Variants in CPPED1 observed in about 807,000 individuals in gnomAD.
The protein encoded by CPPED1 is serine/threonine-protein phosphatase CPPED1.
CPPED1 carries 28 observed loss-of-function variants against 28.0 expected under a neutral mutation model. That is an observed-to-expected ratio of 1.00 (90% CI 0.74 to 1.37). The LOEUF (loss-of-function observed/expected upper bound fraction) is 1.37. CPPED1 is among the 40% of genes most tolerant of loss of function. The probability of loss-of-function intolerance (pLI) is 0.00; values close to 1 mark genes in which losing one functional copy is unlikely to be tolerated. For missense variants in CPPED1, 504 were observed against 416.5 expected (o/e 1.21, Z -1.83); for synonymous variants, 198 against 180.2 (o/e 1.10, Z -0.79).
At chr16:12,721,972 G>A (rs1247414898) in intron 2 of CPPED1, among the ~76,000 whole-genome samples, 1 of 152,056 alleles carries the variant, frequency 6.6e-6, no homozygotes, top group African/African-American at 2.4e-5. Context: ...TACTGTCTTA[G>A]TAAGAATGTT....
At chr16:12,753,046 G>A (rs2080340590) in intron 2 of CPPED1, 1 of 151,932 alleles carries the variant, frequency 6.6e-6, no homozygotes, top group Admixed American at 6.6e-5. Flanking sequence ...AATTCAACAT[G>A]TCTGAACCTT....
intron 2 of CPPED1, among the ~76,000 whole-genome samples, chr16:12,778,775 G>T (rs1381547576): frequency 6.6e-6 from 1 of 152,188 alleles, no homozygotes; most frequent in Non-Finnish European, 1.5e-5. Flanking sequence ...GTTTTAAAAT[G>T]CTCTGTTTAA....
At chr16:12,788,849 A>C (rs1265994943) in intron 1 of CPPED1, among the ~76,000 whole-genome samples, 1 of 152,192 alleles carries the variant, frequency 6.6e-6, no homozygotes, top group African/African-American at 2.4e-5. Context: ...CAAGACCCAG[A>C]GCTTTTCCCT....
chr16:12,665,675 A>G (rs910029364), intron 3 of CPPED1, among the ~76,000 whole-genome samples: 1 of 152,150 alleles, frequency 6.6e-6, no homozygotes, highest in Non-Finnish European at 1.5e-5. Flanking sequence ...CACGCCTGTA[A>G]TCACAGCACT....
chr16:12,708,071 C>T (rs373842272), intron 2 of CPPED1, among the ~76,000 whole-genome samples: 2 of 152,074 alleles, frequency 1.3e-5, no homozygotes, highest in African/African-American at 2.4e-5. Context: ...CGCTTGAACC[C>T]GGGAGGCAGA....
intron 3 of CPPED1, among the ~76,000 whole-genome samples, chr16:12,677,891 G>C (rs768619703): frequency 6.6e-6 from 1 of 152,202 alleles, no homozygotes; most frequent in African/African-American, 2.4e-5. Context: ...TTTCGCCTTT[G>C]TGGGCCATGT....
intron 1 of CPPED1, among the ~76,000 whole-genome samples, chr16:12,795,019 C>G (rs573600032): frequency 9.9e-5 from 15 of 152,250 alleles, no homozygotes; most frequent in Non-Finnish European, 2.1e-4. Context: ...ACCTCTCTCA[C>G]TTTTCAAGAG....
chr16:12,678,223 G>A (rs952554881), intron 3 of CPPED1, among the ~76,000 whole-genome samples: 6 of 152,244 alleles, frequency 3.9e-5, no homozygotes, highest in African/African-American at 1.4e-4. Context: ...AGGGAGGCAA[G>A]TGAATTGTGT....
chr16:12,774,032 A>G (rs1292075888), intron 2 of CPPED1, among the ~76,000 whole-genome samples: 2 of 152,176 alleles, frequency 1.3e-5, no homozygotes, highest in African/African-American at 4.8e-5. Flanking sequence ...TCCAGTCTCC[A>G]CCCACAATGC....
chr16:12,760,840 T>G (rs1313720869), intron 2 of CPPED1: 1 of 152,232 alleles, frequency 6.6e-6, no homozygotes, highest in African/African-American at 2.4e-5. Context: ...AATGCTGATG[T>G]GGCCCAGGGC....
At chr16:12,717,454 C>T (rs113964257) in intron 2 of CPPED1, among the ~76,000 whole-genome samples, 129 of 152,248 alleles carry the variant, frequency 8.5e-4, no homozygotes, top group Middle Eastern at 3.4e-3. Context: ...TTAGTACAGA[C>T]AGGGTTTCAC....
At chr16:12,786,476 T>C (rs2080563763) in intron 1 of CPPED1, among the ~76,000 whole-genome samples, 1 of 152,234 alleles carries the variant, frequency 6.6e-6, no homozygotes, top group African/African-American at 2.4e-5. Context: ...GGTTTGGTTT[T>C]GCATACTTCT....
chr16:12,765,577 T>C (rs138263649), intron 2 of CPPED1, among the ~76,000 whole-genome samples: 2 of 152,368 alleles, frequency 1.3e-5, no homozygotes, highest in East Asian at 1.9e-4. Flanking sequence ...TGCAGATCAA[T>C]ACAAAATTTC....
chr16:12,681,071 A>G (rs955852018), intron 3 of CPPED1, among the ~76,000 whole-genome samples: 1 of 152,082 alleles, frequency 6.6e-6, no homozygotes, highest in Non-Finnish European at 1.5e-5. Flanking sequence ...AAGCCAGCTC[A>G]TACTCTAAAA....
Position 12,682,561 on chromosome 16 carries a change from G to A in CPPED1, c.716-17446C>T, listed in dbSNP as rs2079911058. ...GCTGTTGCTGAGCTGTGTAGGTGTG[G>A]CATGGGCAGCAACATATCTGAACTC... On this transcript the variant is annotated intron_variant, in intron 3 of 3. Transcript: ENST00000381774. The surrounding 1 kb of genome is among the most constrained non-coding windows in gnomAD (Gnocchi z 6.1). 6.6e-6 allele frequency among the ~76,000 whole-genome samples: 1 copy of A among 152,094 alleles called. No individual in the cohort carries two copies. The highest frequency in any genetic ancestry group is 1.5e-5 in the Non-Finnish European group (1 of 68,014).
At chr16:12,789,570 G>C (rs1184766631) in intron 1 of CPPED1, among the ~76,000 whole-genome samples, 1 of 151,822 alleles carries the variant, frequency 6.6e-6, no homozygotes, top group Non-Finnish European at 1.5e-5. Context: ...CTGTCACCCA[G>C]GTTGGAGTGC....
At chr16:12,776,896 G>A (rs913605956) in intron 2 of CPPED1, among the ~76,000 whole-genome samples, 8 of 152,110 alleles carry the variant, frequency 5.3e-5, no homozygotes, top group African/African-American at 1.7e-4. Context: ...TCCAGCCTGG[G>A]CAACAGAGTG....
At chr16:12,761,236 C>T (rs951467878) in intron 2 of CPPED1, 2 of 140,072 alleles carry the variant, frequency 1.4e-5, no homozygotes, top group Non-Finnish European at 3.0e-5. Context: ...GAGATTGCGC[C>T]ACCGCACTCC....
At chr16:12,751,305 T>G (rs911413684) in intron 2 of CPPED1, among the ~76,000 whole-genome samples, 6 of 152,114 alleles carry the variant, frequency 3.9e-5, no homozygotes, top group Non-Finnish European at 8.8e-5. Flanking sequence ...GCTACTCCAG[T>G]AAACACACAA....
Sources: allele counts gnomAD v4.1 joint callset (sites outside exome capture counted in the v4.1 genomes callset), GRCh38; gene constraint gnomAD v4.1.1; non-coding constraint Gnocchi (gnomAD v3.1); transcripts MANE v1.5; gene names NCBI Gene and HGNC (gene_info 2026-07-23, HGNC 2026-07-21).